The following KDM4B variants were observed in gnomAD, a reference collection of about 807,000 sequenced individuals.
The protein encoded by KDM4B is lysine demethylase 4B.
In KDM4B, 32 loss-of-function variants were observed where a neutral mutation model predicts 125.2. The observed-to-expected ratio is 0.26, with a 90% CI of 0.19 to 0.34. The LOEUF is 0.34. Among genes scored for constraint, KDM4B ranks in the 10% least tolerant of loss-of-function variants. The pLI, the probability that KDM4B is intolerant of heterozygous loss-of-function variation, is 1.00. For synonymous variants in KDM4B, 721 were observed against 677.9 expected, an observed-to-expected ratio of 1.06 and a Z score of -0.99; for missense variants, 1,190 against 1,577.7, an observed-to-expected ratio of 0.75 and a Z score of 4.16.
intron 10 of KDM4B, among the ~76,000 whole-genome samples, chr19:5,118,150 C>T (rs549554164): frequency 1.3e-5 from 2 of 152,234 alleles, no homozygotes; most frequent in African/African-American, 2.4e-5. Flanking sequence ...AGCGGGCCCA[C>T]CCCACCCCTG....
At chr19:4,999,161 T>G (rs1010243288) in intron 1 of KDM4B, among the ~76,000 whole-genome samples, 2 of 152,186 alleles carry the variant, frequency 1.3e-5, no homozygotes, top group Non-Finnish European at 2.9e-5. Context: ...TTAGTTGATG[T>G]CTCCTATACA....
intron 1 of KDM4B, among the ~76,000 whole-genome samples, chr19:4,970,936 C>T (rs1006653052): frequency 1.3e-5 from 2 of 152,056 alleles, no homozygotes; most frequent in Non-Finnish European, 2.9e-5. Context: ...GACACCAGGA[C>T]GGGTCAGACT....
At chr19:5,136,773 C>T (rs1031263973) in intron 15 of KDM4B, among the ~76,000 whole-genome samples, 3 of 152,192 alleles carry the variant, frequency 2.0e-5, no homozygotes, top group Non-Finnish European at 4.4e-5. Context: ...GAGGCAGAGC[C>T]CTGGGGGGCA....
chr19:5,138,235 G>C, intron 18 of KDM4B, 165 bp downstream of exon 18: 1 of 600,680 alleles, frequency 1.7e-6, no homozygotes, highest in South Asian at 2.0e-5. Context: ...TTCAGCAGGT[G>C]TGTTATTTTT....
At chr19:5,043,781 T>TA (rs1568252555) in intron 5 of KDM4B, among the ~76,000 whole-genome samples, 2 of 101,904 alleles carry the variant, frequency 2.0e-5, no homozygotes, top group Non-Finnish European at 2.0e-5. Flanking sequence ...GTTATCGGAG[T>TA]GGGGTGTCCA....
In KDM4B at chr19:5,039,713, G is replaced by A. The variant is rs1325274231; in HGVS notation, c.142-123G>A. 2.3e-5 allele frequency: 25 copies of A among 1,093,742 alleles called. No homozygotes were observed. The Admixed American group carries it at 2.5e-4, about 11-fold the overall frequency. The allele number at this position is 1,093,742 out of a possible 1,614,324, so 67.8% of individuals were successfully genotyped here. A position where few individuals can be genotyped will look rare whatever the true frequency, so the allele number is the denominator to read the frequency against. On this transcript the variant is annotated intron_variant, in intron 3 of 22. Transcript: ENST00000159111. ...AATGGGGGGGTTCCTCGTGCCCCTG[G>A]GGGGTGTCCCGAGGTGCAGATCTTG...
chr19:5,128,900 A>G (rs1237439038), intron 11 of KDM4B, among the ~76,000 whole-genome samples: 1 of 148,736 alleles, frequency 6.7e-6, no homozygotes, highest in Non-Finnish European at 1.5e-5. Context: ...CCCGGATACC[A>G]GCGGAGGGGA....
intron 1 of KDM4B, among the ~76,000 whole-genome samples, chr19:4,985,739 C>T (rs1462501411): frequency 6.6e-6 from 1 of 152,216 alleles, no homozygotes; most frequent in Non-Finnish European, 1.5e-5. Context: ...AACCCAGACC[C>T]GCCTTCACTG....
chr19:5,089,070 C>T lies in KDM4B; in HGVS notation c.918+6566C>T, dbSNP rs141474687. 3.7e-3 allele frequency among the ~76,000 whole-genome samples: 566 copies of T among 152,162 alleles called. 1 individual carries two copies. Among genetic ancestry groups the T allele is most frequent in the Admixed American group, 5.1e-3 (78 of 15,290 alleles). ...GCTGGAGGGTGACAACGGATGGGGA[C>T]GGGTTTTCTTTGGAGGATGAAAATG... On this transcript the variant is annotated intron_variant, in intron 9 of 22. Transcript: ENST00000159111.
At chr19:5,080,105 T>C (rs1197717960) in intron 8 of KDM4B, among the ~76,000 whole-genome samples, 2 of 152,226 alleles carry the variant, frequency 1.3e-5, no homozygotes, top group East Asian at 3.9e-4. Flanking sequence ...TGGCTGTCAC[T>C]TGAATGGGAA....
rs895758208 is a variant in KDM4B at position 5,151,649 on chromosome 19, C to T, written c.*138C>T. The stretch of plus-strand genomic sequence containing the variant: ...TCCAAGCCGCGGGTGCCCCCTAGGG[C>T]GACAGGAGCCAGCGGGACGCCGCAC... On this transcript the variant is annotated 3_prime_UTR_variant, in exon 23 of 23. Coordinates refer to ENST00000159111, the MANE Select transcript of KDM4B (RefSeq NM_015015.3). 1.2e-5 allele frequency: 9 copies of T among 736,104 alleles called. No homozygotes were observed. The highest frequency in any genetic ancestry group is 7.3e-5 in the African/African-American group (4 of 54,662). 45.6% of individuals were successfully genotyped at this position (736,104 alleles called of 1,614,324 possible).
chr19:4,987,375 T>A (rs941557680), intron 1 of KDM4B, among the ~76,000 whole-genome samples: 1 of 152,208 alleles, frequency 6.6e-6, no homozygotes, highest in Non-Finnish European at 1.5e-5. Flanking sequence ...GTGAAGGGGC[T>A]TATCACAAGC....
intron 11 of KDM4B, among the ~76,000 whole-genome samples, chr19:5,121,111 C>T (rs1302779117): frequency 3.9e-5 from 6 of 152,178 alleles, no homozygotes; most frequent in African/African-American, 7.2e-5. Context: ...ACGATGGGGT[C>T]GTGGCCCTCG....
chr19:5,110,500 G>A, intron 9 of KDM4B, 122 bp from the exon 10 acceptor site: 1 of 864,922 alleles, frequency 1.2e-6, no homozygotes, highest in South Asian at 1.4e-5. Flanking sequence ...GAAGCGGAAT[G>A]CTCAGCGGTG....
At chr19:5,024,716 C>T (rs1486813401) in intron 2 of KDM4B, among the ~76,000 whole-genome samples, 1 of 151,912 alleles carries the variant, frequency 6.6e-6, no homozygotes, top group African/African-American at 2.4e-5. Flanking sequence ...TTTGGGAGGC[C>T]GAGGTGGGTG....
Position 5,143,533 on chromosome 19 carries a change from T to A in KDM4B, c.2551-434T>A, listed in dbSNP as rs548697907. 8.0e-4 allele frequency among the ~76,000 whole-genome samples: 122 copies of A among 151,946 alleles called. 1 individual carries two copies. The highest frequency in any genetic ancestry group is 2.8e-3 in the African/African-American group (116 of 41,408). Reference sequence around the variant, plus strand: ...GTCTGGGGGTGGCCTGCCCTGGGGGTTGCAGAACACGGGGTCACATGGTCT... The same window carrying A: ...GTCTGGGGGTGGCCTGCCCTGGGGGATGCAGAACACGGGGTCACATGGTCT... On this transcript the variant is annotated intron_variant, in intron 18 of 22. Coordinates refer to ENST00000159111, the MANE Select transcript of KDM4B (RefSeq NM_015015.3).
At chr19:5,107,438 C>T (rs924533682) in intron 9 of KDM4B, among the ~76,000 whole-genome samples, 1 of 152,242 alleles carries the variant, frequency 6.6e-6, no homozygotes, top group African/African-American at 2.4e-5. Flanking sequence ...TCCTGCACAG[C>T]CTCACAGACA....
At chr19:5,003,375 G>A (rs2035452811) in intron 1 of KDM4B, among the ~76,000 whole-genome samples, 1 of 152,214 alleles carries the variant, frequency 6.6e-6, no homozygotes, top group African/African-American at 2.4e-5. Flanking sequence ...CAGCTTCTCG[G>A]GAGGCTGAGG....
intron 1 of KDM4B, among the ~76,000 whole-genome samples, chr19:4,977,949 T>C (rs2034505197): frequency 6.6e-6 from 1 of 152,164 alleles, no homozygotes; most frequent in Admixed American, 6.5e-5. Flanking sequence ...GTTGCTGTTG[T>C]CCCCTTCCTG....
Sources: gnomAD v4.1 joint callset for allele counts (sites outside exome capture counted in the v4.1 genomes callset) on GRCh38, gnomAD v4.1.1 for gene constraint, MANE v1.5 for transcripts, NCBI Gene and HGNC (gene_info 2026-07-23, HGNC 2026-07-21) for gene names.